Variants in FBXO22 observed in about 807,000 individuals in gnomAD.
FBXO22 encodes F-box only protein 22.
FBXO22 carries 13 observed loss-of-function variants against 37.2 expected under a neutral mutation model. That is an observed-to-expected ratio of 0.35 (90% CI 0.23 to 0.56). The LOEUF (loss-of-function observed/expected upper bound fraction) is 0.56. FBXO22 is among the 20% of genes least tolerant of loss of function. The pLI is 0.87. For synonymous variants in FBXO22, 189 were observed against 189.1 expected (o/e 1.00, Z 0.00); for missense variants, 446 against 509.9 (o/e 0.87, Z 1.21).
intron 2 of FBXO22, among the ~76,000 whole-genome samples, chr15:75,909,184 G>A (rs1324680424): frequency 1.3e-5 from 2 of 152,148 alleles, no homozygotes; most frequent in East Asian, 3.8e-4. Flanking sequence ...GTCTGAATAA[G>A]CCCAGCTCAT....
intron 3 of FBXO22, among the ~76,000 whole-genome samples, chr15:75,913,756 C>T (rs984349860): frequency 6.6e-6 from 1 of 152,074 alleles, no homozygotes; most frequent in African/African-American, 2.4e-5. Flanking sequence ...CTAATTTGAT[C>T]CAGGTGACTG....
intron 5 of FBXO22, among the ~76,000 whole-genome samples, chr15:75,923,233 A>T (rs1042314105): frequency 6.6e-6 from 1 of 152,138 alleles, no homozygotes; most frequent in African/African-American, 2.4e-5. Context: ...TAAAATTGCT[A>T]TATTTGTTAG....
Position 75,936,749 on chromosome 15 carries a change from T to G in FBXO22, c.*3647T>G, listed in dbSNP as rs2141733079. The G allele has an allele frequency of 6.6e-6, 1 of 152,042 alleles. No individual in the cohort carries two copies. The highest frequency in any genetic ancestry group is 1.9e-4 in the East Asian group (1 of 5,162). The allele number at this position is 152,042 out of a possible 1,614,324, so 9.4% of individuals were successfully genotyped here. A position where few individuals can be genotyped will look rare whatever the true frequency, so the allele number is the denominator to read the frequency against. On this transcript the variant is annotated 3_prime_UTR_variant, in exon 7 of 7. Transcript: ENST00000308275. ...GCCACCATGCCTGGCTAATTTTGTA[T>G]TTTTAGTAGAGATGGGGTTTCTCTG... is the stretch of plus-strand genomic sequence containing the variant.
chr15:75,941,335 T>C lies in FBXO22; in HGVS notation c.*8233T>C, dbSNP rs932188489. On this transcript the variant is annotated 3_prime_UTR_variant, in exon 7 of 7. Transcript: ENST00000308275. ...GGAACTCTTATTACTGATGGAAATA[T>C]AGTGGTATGCAGCTGCTGTAGAAAA... is the stretch of plus-strand genomic sequence containing the variant. 6.6e-6 allele frequency: 1 copy of C among 152,294 alleles called. No homozygotes were observed. The highest frequency in any genetic ancestry group is 1.5e-5 in the Non-Finnish European group (1 of 67,986). 9.4% of individuals were successfully genotyped at this position (152,294 alleles called of 1,614,324 possible).
intron 5 of FBXO22, among the ~76,000 whole-genome samples, chr15:75,924,611 C>T (rs1000966550): frequency 2.0e-5 from 3 of 152,170 alleles, no homozygotes; most frequent in African/African-American, 4.8e-5. Context: ...CCTGGCAGTG[C>T]TCATGCACTT....
chr15:75,911,560 CTGTT>C (rs1230872906), intron 2 of FBXO22, among the ~76,000 whole-genome samples: 18 of 151,998 alleles, frequency 1.2e-4, no homozygotes, highest in African/African-American at 3.4e-4. Flanking sequence ...ATTTGGCTTT[CTGTT>C]TGTCTGTTAT....
chr15:75,904,406 T>C lies in FBXO22; in HGVS notation c.141-85T>C. 4 of 1,588,932 alleles carry C rather than the reference T, an allele frequency of 2.5e-6. No individual in the cohort carries two copies. In the South Asian group the frequency reaches 4.5e-5, roughly 18 times the overall value. On this transcript the variant is annotated intron_variant, in intron 1 of 6. Coordinates refer to ENST00000308275, the MANE Select transcript of FBXO22 (RefSeq NM_147188.3). The stretch of plus-strand genomic sequence containing the variant: ...GGATCCCGCAGGGATCTCCTGCTGC[T>C]GCGCCAGCGGGTGGGGGTTTGTGAG...
intron 4 of FBXO22, 76 bp downstream of exon 4, chr15:75,914,281 G>T (rs1034933998): frequency 1.0e-6 from 1 of 954,204 alleles, no homozygotes; most frequent in Non-Finnish European, 1.7e-6. Context: ...GTTATTTTTA[G>T]CTTAGAACCA....
chr15:75,914,615 A>G (rs766277627), intron 4 of FBXO22, among the ~76,000 whole-genome samples: 1 of 152,092 alleles, frequency 6.6e-6, no homozygotes, highest in Non-Finnish European at 1.5e-5. Flanking sequence ...CCACTCTTCA[A>G]TGTTTACAGC....
At chr15:75,915,428 G>C (rs1900159305) in intron 4 of FBXO22, among the ~76,000 whole-genome samples, 1 of 152,164 alleles carries the variant, frequency 6.6e-6, no homozygotes, top group Non-Finnish European at 1.5e-5. Context: ...AGTTGCTCTA[G>C]CTGTGGTTTC....
intron 5 of FBXO22, among the ~76,000 whole-genome samples, chr15:75,919,060 G>C (rs761554178): frequency 6.6e-6 from 1 of 152,064 alleles, no homozygotes; most frequent in Non-Finnish European, 1.5e-5. Flanking sequence ...TGGGTTCAAG[G>C]GTTCAAGTGA....
At chr15:75,907,733 T>TA (rs907154576) in intron 2 of FBXO22, among the ~76,000 whole-genome samples, 54 of 151,716 alleles carry the variant, frequency 3.6e-4, no homozygotes, top group African/African-American at 1.2e-3. Flanking sequence ...CCGTCTCCAC[T>TA]AAAAAAATAT....
chr15:75,913,844 T>C (rs1271260147), intron 3 of FBXO22, among the ~76,000 whole-genome samples: 1 of 152,200 alleles, frequency 6.6e-6, no homozygotes, highest in East Asian at 1.9e-4. Context: ...CAGCTGTTAC[T>C]GCTAAATTTG....
At chr15:75,909,462 T>G (rs987853383) in intron 2 of FBXO22, among the ~76,000 whole-genome samples, 4 of 152,146 alleles carry the variant, frequency 2.6e-5, no homozygotes, top group African/African-American at 7.2e-5. Flanking sequence ...GTATTTGATT[T>G]GATAAGCAGT....
intron 2 of FBXO22, among the ~76,000 whole-genome samples, chr15:75,905,824 C>T (rs1025665289): frequency 1.3e-5 from 2 of 152,088 alleles, no homozygotes; most frequent in African/African-American, 2.4e-5. Flanking sequence ...GCTTTTTTCA[C>T]GGCATACTTT....
rs958478173 is a variant in FBXO22, at chr15:75,939,653, T to C, written c.*6551T>C. The C allele has an allele frequency of 1.3e-5, 2 of 152,184 alleles. No homozygotes were observed. The highest frequency in any genetic ancestry group is 2.9e-5 in the Non-Finnish European group (2 of 67,998). The allele number at this position is 152,184 out of a possible 1,614,324, so 9.4% of individuals were successfully genotyped here. A position where few individuals can be genotyped will look rare whatever the true frequency, so the allele number is the denominator to read the frequency against. ...TCAACAATTGTCAATACTAGGAAAC[T>C]GAATTTAGCAGCATATTAAAAGGAT... On this transcript the variant is annotated 3_prime_UTR_variant, in exon 7 of 7. Coordinates refer to ENST00000308275, the MANE Select transcript of FBXO22 (RefSeq NM_147188.3).
chr15:75,924,071 G>A (rs987626437), intron 5 of FBXO22, among the ~76,000 whole-genome samples: 1 of 152,168 alleles, frequency 6.6e-6, no homozygotes, highest in Non-Finnish European at 1.5e-5. Context: ...TTTTGGACAT[G>A]TTTGGAATTT....
Position 75,904,086 on chromosome 15 carries a change from G to A in FBXO22, c.123G>A (p.Ala41=), listed in dbSNP as rs749765379. ...TGCTCACCTTCCTGCCCGCCAAGGC[G>A]TTGCTGCGGGTGGCCTGGTGAGGAG... is the stretch of plus-strand genomic sequence containing the variant. ...ERVLTFLPAK[A]LLRVACVCRL... Residue 41 remains alanine, a synonymous_variant, in exon 1 of 7, where the codon GCG becomes GCA. Transcript: ENST00000308275. 1 of 1,546,460 alleles carries A rather than the reference G, an allele frequency of 6.5e-7. No homozygotes were observed. The highest frequency in any genetic ancestry group is 1.2e-5 in the South Asian group (1 of 83,768).
intron 2 of FBXO22, among the ~76,000 whole-genome samples, chr15:75,906,769 A>G (rs913818761): frequency 6.6e-6 from 1 of 152,164 alleles, no homozygotes; most frequent in African/African-American, 2.4e-5. Context: ...CCATTTTCCC[A>G]GAAGTTTATC....
Sources: gnomAD v4.1 joint callset for allele counts (sites outside exome capture counted in the v4.1 genomes callset) on GRCh38, gnomAD v4.1.1 for gene constraint, MANE v1.5 for transcripts, NCBI Gene and HGNC (gene_info 2026-07-23, HGNC 2026-07-21) for gene names.